Variants in DCC observed in about 807,000 individuals in gnomAD.
DCC encodes the protein DCC netrin 1 receptor.
In DCC, 58 loss-of-function variants were observed where a neutral mutation model predicts 172.5. That is an observed-to-expected ratio of 0.34 (90% CI 0.27 to 0.42). The LOEUF is 0.42. Among genes scored for constraint, DCC ranks in the 10% least tolerant of loss-of-function variants. The pLI, the probability that DCC is intolerant of heterozygous loss-of-function variation, is 1.00. For synonymous variants in DCC, 709 were observed against 644.5 expected (o/e 1.10, Z -1.52); for missense variants, 1,740 against 1,791.0 (o/e 0.97, Z 0.51).
intron 15 of DCC, among the ~76,000 whole-genome samples, chr18:53,364,654 G>C (rs2057982745): frequency 6.6e-6 from 1 of 152,084 alleles, no homozygotes; most frequent in African/African-American, 2.4e-5. Context: ...TTTTATATCT[G>C]TTCCAATTGA....
chr18:53,308,877 C>T (rs1441508048), intron 13 of DCC, among the ~76,000 whole-genome samples: 1 of 152,140 alleles, frequency 6.6e-6, no homozygotes. Context: ...GTAGGTTCAG[C>T]TCCCTCTGTA....
chr18:52,421,363 C>A (rs1460492009), intron 1 of DCC, among the ~76,000 whole-genome samples: 2 of 152,270 alleles, frequency 1.3e-5, no homozygotes, highest in Middle Eastern at 3.4e-3. Context: ...CGATGACATT[C>A]CTAGTAACAG....
At chr18:52,947,086 G>T (rs1036294009) in intron 5 of DCC, among the ~76,000 whole-genome samples, 1 of 152,046 alleles carries the variant, frequency 6.6e-6, no homozygotes. Context: ...TTAACAAACT[G>T]CTCTTGCTTG....
At chr18:52,515,982 G>GCAAGTAAACA (rs1026364155) in intron 1 of DCC, among the ~76,000 whole-genome samples, 1 of 149,558 alleles carries the variant, frequency 6.7e-6, no homozygotes, top group Admixed American at 6.6e-5. Flanking sequence ...TACCCAGATG[G>GCAAGTAAACA]CAAGTAAACA....
intron 19 of DCC, 124 bp from the exon 20 acceptor site, chr18:53,410,328 T>C (rs1909906190): frequency 4.2e-6 from 3 of 720,494 alleles, no homozygotes; most frequent in Middle Eastern, 3.8e-4. Flanking sequence ...ACAGAACTGC[T>C]GTAGTTTACA....
At chr18:52,670,585 A>G (rs1396569474) in intron 1 of DCC, among the ~76,000 whole-genome samples, 2 of 152,204 alleles carry the variant, frequency 1.3e-5, no homozygotes, top group African/African-American at 2.4e-5. Flanking sequence ...CACGCCTGTA[A>G]TCCCAGCACT....
At chr18:53,436,981 T>C (rs756743123) in intron 22 of DCC, among the ~76,000 whole-genome samples, 7 of 152,138 alleles carry the variant, frequency 4.6e-5, no homozygotes, top group Non-Finnish European at 5.9e-5. Flanking sequence ...ATAAGGGCAC[T>C]AATCCCGTTT....
intron 13 of DCC, among the ~76,000 whole-genome samples, chr18:53,319,309 C>T (rs2144819684): frequency 6.6e-6 from 1 of 152,164 alleles, no homozygotes; most frequent in Non-Finnish European, 1.5e-5. Context: ...TTAAAATATA[C>T]AGACTGGCAA....
intron 2 of DCC, among the ~76,000 whole-genome samples, chr18:52,843,292 A>G (rs777977453): frequency 3.9e-5 from 6 of 152,110 alleles, no homozygotes; most frequent in Non-Finnish European, 7.4e-5. Flanking sequence ...GGGTATATGA[A>G]TAATTTTTTT....
At chr18:52,851,448 C>G (rs1236874446) in intron 2 of DCC, among the ~76,000 whole-genome samples, 1 of 152,032 alleles carries the variant, frequency 6.6e-6, no homozygotes, top group East Asian at 1.9e-4. Flanking sequence ...CTGCAATAAA[C>G]CACAGTCTCC....
intron 2 of DCC, among the ~76,000 whole-genome samples, chr18:52,845,503 T>C (rs1439718769): frequency 6.6e-6 from 1 of 152,082 alleles, no homozygotes; most frequent in Non-Finnish European, 1.5e-5. Context: ...CCAGATCTCT[T>C]AGGAAAAAGA....
chr18:52,745,747 C>T (rs1176228098), intron 1 of DCC, among the ~76,000 whole-genome samples: 1 of 152,156 alleles, frequency 6.6e-6, no homozygotes, highest in East Asian at 1.9e-4. Flanking sequence ...CTCCTCCTGT[C>T]TAAGGGGTGT....
At chr18:52,678,211 T>G (rs2035680113) in intron 1 of DCC, among the ~76,000 whole-genome samples, 2 of 152,084 alleles carry the variant, frequency 1.3e-5, no homozygotes, top group Admixed American at 6.6e-5. Flanking sequence ...TGTGACAGCC[T>G]GGCAAGGTTA....
At chr18:53,526,821 G>C in intron 28 of DCC, 62 bp downstream of exon 28, 8 of 1,585,092 alleles carry the variant, frequency 5.0e-6, no homozygotes, top group Non-Finnish European at 6.9e-6. Flanking sequence ...CTGTGTAATA[G>C]CATCTAAACC....
chr18:53,112,761 C>G (rs1213969300), intron 7 of DCC, among the ~76,000 whole-genome samples: 4 of 151,388 alleles, frequency 2.6e-5, no homozygotes, highest in African/African-American at 9.7e-5. Context: ...GGATATTATT[C>G]ACACTCAAAA....
intron 5 of DCC, among the ~76,000 whole-genome samples, chr18:53,025,795 TACAC>T (rs34351949): frequency 0.068 from 9,588 of 141,516 alleles, 552 homozygotes; most frequent in East Asian, 0.2. Flanking sequence ...AAAACTATGA[TACAC>T]ACACACACAC....
At chr18:52,382,670 A>G (rs911846686) in intron 1 of DCC, among the ~76,000 whole-genome samples, 5 of 152,150 alleles carry the variant, frequency 3.3e-5, no homozygotes, top group Non-Finnish European at 7.4e-5. Flanking sequence ...GAGAGATTAC[A>G]GAAATTAAGA....
At chr18:53,269,923 A>C (rs1482849765) in intron 12 of DCC, among the ~76,000 whole-genome samples, 1 of 152,140 alleles carries the variant, frequency 6.6e-6, no homozygotes, top group Non-Finnish European at 1.5e-5. Context: ...GGATAGATTA[A>C]GGCTTGGAAT....
At chr18:53,098,202 T>G (rs978389512) in intron 7 of DCC, among the ~76,000 whole-genome samples, 3 of 140,402 alleles carry the variant, frequency 2.1e-5, no homozygotes, top group Admixed American at 2.1e-4. Context: ...CAGAATAGAG[T>G]TTTTTTTTTA....
Sources: gnomAD v4.1 joint callset for allele counts (sites outside exome capture counted in the v4.1 genomes callset) on GRCh38, gnomAD v4.1.1 for gene constraint, MANE v1.5 for transcripts, NCBI Gene and HGNC (gene_info 2026-07-23, HGNC 2026-07-21) for gene names.